Variants in PHF20 observed in about 807,000 individuals in gnomAD.
PHF20 encodes the protein PHD finger protein 20, also known as glioma-expressed antigen 2.
PHF20 carries 23 observed loss-of-function variants against 113.5 expected under a neutral mutation model. The observed-to-expected ratio is 0.20, with a 90% CI of 0.15 to 0.29. The LOEUF (loss-of-function observed/expected upper bound fraction) is 0.29, where lower values mean the gene tolerates loss of function less well. PHF20 is among the 10% of genes least tolerant of loss of function. The pLI, the probability that PHF20 is intolerant of heterozygous loss-of-function variation, is 1.00. For missense variants in PHF20, 943 were observed against 1,219.6 expected (o/e 0.77, Z 3.38); for synonymous variants, 434 against 457.3 (o/e 0.95, Z 0.65).
At chr20:35,774,238 C>A (rs1361051030) in intron 1 of PHF20, among the ~76,000 whole-genome samples, 1 of 151,988 alleles carries the variant, frequency 6.6e-6, no homozygotes, top group African/African-American at 2.4e-5. Context: ...ACCCACCACA[C>A]CGCGCCCGTC....
chr20:35,911,954 C>T lies in PHF20; in HGVS notation c.1562-1295C>T, dbSNP rs149450068. ...GATTACAGGCATGAGCCACCGTGCC[C>T]GGCTACGACTGAATTTTTCTTTCTT... On this transcript the variant is annotated intron_variant, in intron 10 of 17. Transcript: ENST00000374012. 9.0e-3 allele frequency among the ~76,000 whole-genome samples: 1,359 copies of T among 151,614 alleles called. 23 individuals carry two copies. Among genetic ancestry groups the T allele is most frequent in the African/African-American group, 0.031 (1,297 of 41,332 alleles).
At chr20:35,899,066 A>T (rs1228233576) in intron 9 of PHF20, among the ~76,000 whole-genome samples, 1 of 151,956 alleles carries the variant, frequency 6.6e-6, no homozygotes, top group Non-Finnish European at 1.5e-5. Context: ...CTTTATTTTT[A>T]TTTTTATTTT....
chr20:35,803,293 T>G (rs2041818817), intron 2 of PHF20, among the ~76,000 whole-genome samples: 1 of 150,524 alleles, frequency 6.6e-6, no homozygotes, highest in African/African-American at 2.4e-5. Flanking sequence ...AATTAGGTAA[T>G]TAGGTACATT....
intron 5 of PHF20, among the ~76,000 whole-genome samples, chr20:35,859,502 T>C (rs2054177206): frequency 6.6e-6 from 1 of 152,016 alleles, no homozygotes; most frequent in Non-Finnish European, 1.5e-5. Context: ...GTAGTTGATG[T>C]GACAATATTT....
intron 10 of PHF20, among the ~76,000 whole-genome samples, chr20:35,909,058 A>G (rs2055250001): frequency 6.6e-6 from 1 of 152,054 alleles, no homozygotes; most frequent in South Asian, 2.1e-4. Context: ...GATTTCCAGT[A>G]AAATGTTGAA....
Position 35,862,781 on chromosome 20 carries a change from T to C in PHF20, c.421-232T>C, listed in dbSNP as rs529108284. ...CAGAATTTTATTTTCTAGTGACTTATTCGTCATAATAAGGGAGATTGCACT... is the reference window on the plus strand; with the variant it reads ...CAGAATTTTATTTTCTAGTGACTTACTCGTCATAATAAGGGAGATTGCACT... On this transcript the variant is annotated intron_variant, in intron 5 of 17. Transcript: ENST00000374012. Among the ~76,000 whole-genome samples the C allele has an allele frequency of 6.6e-5, 10 of 152,290 alleles. No individual in the cohort carries two copies. In the East Asian group the frequency reaches 1.9e-3, roughly 29 times the overall value.
intron 15 of PHF20, among the ~76,000 whole-genome samples, chr20:35,933,022 A>G (rs1299779807): frequency 6.6e-6 from 1 of 152,046 alleles, no homozygotes; most frequent in Non-Finnish European, 1.5e-5. Flanking sequence ...CATATGTAAG[A>G]ATTTCCTCCC....
At chr20:35,838,056 T>C (rs1293814562) in intron 2 of PHF20, among the ~76,000 whole-genome samples, 1 of 152,140 alleles carries the variant, frequency 6.6e-6, no homozygotes, top group Non-Finnish European at 1.5e-5. Flanking sequence ...ATAAAGTTTT[T>C]TTTGAATGAG....
chr20:35,899,552 C>G lies in PHF20; in HGVS notation c.1465C>G (p.Pro489Ala). 6.2e-7 allele frequency: 1 copy of G among 1,614,028 alleles called. No homozygotes were observed. Among genetic ancestry groups the G allele is most frequent in the Non-Finnish European group, 8.5e-7 (1 of 1,179,980 alleles). The change falls in exon 10 of 18, where the codon CCG becomes GCG. Residue 489 changes from proline to alanine, a missense_variant. Around this residue, in one of 3 missense-constraint regions of PHF20, gnomAD observed 592 missense variants for 787.2 expected, o/e 0.75. Coordinates refer to ENST00000374012, the MANE Select transcript of PHF20 (RefSeq NM_016436.5). ...GAAGTCACTGGAGCCAGAAGAGAGCCCGGGAAAGAGGCATGTCCAAACCAG... is the reference window on the plus strand; with the variant it reads ...GAAGTCACTGGAGCCAGAAGAGAGCGCGGGAAAGAGGCATGTCCAAACCAG... ...MEKSLEPEES[P>A]GKRHVQTRGP...
chr20:35,826,482 C>T (rs1462622636), intron 2 of PHF20, among the ~76,000 whole-genome samples: 1 of 151,900 alleles, frequency 6.6e-6, no homozygotes, highest in Non-Finnish European at 1.5e-5. Flanking sequence ...GGAAGAGAGT[C>T]GCCAGTAATT....
At chr20:35,860,521 G>A (rs1174777689) in intron 5 of PHF20, among the ~76,000 whole-genome samples, 1 of 152,126 alleles carries the variant, frequency 6.6e-6, no homozygotes, top group Non-Finnish European at 1.5e-5. Flanking sequence ...AGATTACAGG[G>A]CATGAGCCAC....
intron 2 of PHF20, among the ~76,000 whole-genome samples, chr20:35,828,453 A>G (rs761756528): frequency 6.6e-6 from 1 of 152,050 alleles, no homozygotes; most frequent in Non-Finnish European, 1.5e-5. Flanking sequence ...TTTCTGGTAT[A>G]TAGGGGGGAA....
chr20:35,875,576 T>A (rs891751915), intron 9 of PHF20, among the ~76,000 whole-genome samples: 2 of 152,102 alleles, frequency 1.3e-5, no homozygotes, highest in African/African-American at 4.8e-5. Flanking sequence ...GTCAGGGCTC[T>A]TTTCTTCCCA....
At chr20:35,925,563 T>G (rs941398879) in intron 13 of PHF20, among the ~76,000 whole-genome samples, 3 of 152,102 alleles carry the variant, frequency 2.0e-5, no homozygotes, top group Non-Finnish European at 4.4e-5. Context: ...CCACTGTGCT[T>G]GGCCGGGACT....
intron 1 of PHF20, among the ~76,000 whole-genome samples, chr20:35,788,947 G>A (rs1460711473): frequency 6.6e-6 from 1 of 152,188 alleles, no homozygotes; most frequent in African/African-American, 2.4e-5. Context: ...GGATGCCTAT[G>A]AGGAGTTAAT....
At position 35,865,497 on chromosome 20, in the gene PHF20, GTTTTTT is replaced by G. The variant is rs201623482; in HGVS notation, c.808+2117_808+2122del. Among the ~76,000 whole-genome samples, 9 of 96,600 alleles carry G rather than the reference GTTTTTT, an allele frequency of 9.3e-5. No individual in the cohort carries two copies. In the South Asian group the frequency reaches 3.2e-3, roughly 34 times the overall value. The allele number at this position is 96,600 out of a possible 152,430, so 63.4% of individuals were successfully genotyped here. A position where few individuals can be genotyped will look rare whatever the true frequency, so the allele number is the denominator to read the frequency against. On this transcript the variant is annotated intron_variant, in intron 6 of 17. Transcript: ENST00000374012. ...TATTTAAATTAACTTTTTAAGTTGT[GTTTTTT>G]TTTTTTTTTTTTTTTTTTTGACAGG...
intron 2 of PHF20, among the ~76,000 whole-genome samples, chr20:35,826,676 T>C (rs940508252): frequency 9.2e-5 from 14 of 152,160 alleles, no homozygotes; most frequent in African/African-American, 3.4e-4. Flanking sequence ...AGTGAAAATT[T>C]AAGCAGGAGA....
At chr20:35,865,963 T>C (rs1183464358) in intron 6 of PHF20, among the ~76,000 whole-genome samples, 2 of 151,930 alleles carry the variant, frequency 1.3e-5, no homozygotes, top group South Asian at 4.2e-4. Flanking sequence ...AATCCCAGCA[T>C]TCTGGGAGAC....
At chr20:35,841,480 C>T (rs933360608) in intron 2 of PHF20, among the ~76,000 whole-genome samples, 5 of 151,792 alleles carry the variant, frequency 3.3e-5, no homozygotes, top group Admixed American at 6.6e-5. Flanking sequence ...TTAATAACCG[C>T]GTAGTATAAG....
Sources: gnomAD v4.1 joint callset for allele counts (sites outside exome capture counted in the v4.1 genomes callset) on GRCh38, gnomAD v4.1.1 for gene constraint, gnomAD v4.1.1 regional missense constraint, MANE v1.5 for transcripts, NCBI Gene and HGNC (gene_info 2026-07-23, HGNC 2026-07-21) for gene names.